CSMD1: variants seen among roughly 807,000 people sequenced by gnomAD.
CSMD1 encodes the protein CUB and sushi domain-containing protein 1.
CSMD1 carries 213 observed loss-of-function variants against 417.5 expected under a neutral mutation model. The ratio of observed to expected loss-of-function variants is 0.51; its 90% CI spans 0.46 to 0.57. The LOEUF (loss-of-function observed/expected upper bound fraction) is 0.57. Ranked by LOEUF, CSMD1 falls within the 20% of genes least tolerant of loss-of-function variation. The pLI is 0.00. For missense variants in CSMD1, 6,923 were observed against 4,529.7 expected (o/e 1.53, Z -15.17); for synonymous variants, 2,862 against 1,736.8 (o/e 1.65, Z -16.11).
intron 5 of CSMD1, among the ~76,000 whole-genome samples, chr8:3,896,220 G>C (rs1167369500): frequency 6.6e-6 from 1 of 152,118 alleles, no homozygotes; most frequent in Non-Finnish European, 1.5e-5. Flanking sequence ...CAATTCTATA[G>C]CCTGGTTGCT....
At position 4,047,638 on chromosome 8, in the gene CSMD1, C is replaced by G. The variant is rs182056069; in HGVS notation, c.416-15539G>C. On this transcript the variant is annotated intron_variant, in intron 3 of 69. Transcript: ENST00000635120. ...TCCAGGCACTAGGAATGCAATATCG[C>G]CCTCAGTGAGTATATTTGGGGCATG... 2.9e-3 allele frequency among the ~76,000 whole-genome samples: 434 copies of G among 151,872 alleles called. 2 individuals are homozygous for G. Among genetic ancestry groups the G allele is most frequent in the African/African-American group, 0.01 (417 of 41,384 alleles).
At chr8:3,988,456 A>C (rs1284373597) in intron 5 of CSMD1, among the ~76,000 whole-genome samples, 1 of 152,200 alleles carries the variant, frequency 6.6e-6, no homozygotes, top group Non-Finnish European at 1.5e-5. Context: ...CAAACACCCT[A>C]ACCTCTCACA....
intron 1 of CSMD1, among the ~76,000 whole-genome samples, chr8:4,934,756 C>G (rs1807494000): frequency 6.6e-6 from 1 of 152,106 alleles, no homozygotes; most frequent in South Asian, 2.1e-4. Flanking sequence ...TATCTATCTA[C>G]CTACCTATAC....
chr8:3,945,745 C>A (rs1300390612), intron 5 of CSMD1, among the ~76,000 whole-genome samples: 1 of 151,936 alleles, frequency 6.6e-6, no homozygotes, highest in African/African-American at 2.4e-5. Flanking sequence ...GGATAGAAAA[C>A]CAAGAAATGG....
intron 7 of CSMD1, among the ~76,000 whole-genome samples, chr8:3,680,196 T>C (rs1476466338): frequency 6.6e-6 from 1 of 151,560 alleles, no homozygotes; most frequent in Non-Finnish European, 1.5e-5. Context: ...AGAGCAGAAA[T>C]GAAGGAGATG....
rs935839307 is a variant in CSMD1 at position 3,557,354 on chromosome 8, T to C, written c.1344+17591A>G. ...GCTGCCTCTCTAGTGGGGTAAAACA[T>C]TCCAAACTTGGCCATTATTACTATC... On this transcript the variant is annotated intron_variant, in intron 10 of 69. Coordinates refer to ENST00000635120, the MANE Select transcript of CSMD1 (RefSeq NM_033225.6). Among the ~76,000 whole-genome samples, 10 of 152,294 alleles carry C rather than the reference T, an allele frequency of 6.6e-5. No individual in the cohort carries two copies. The East Asian group carries it at 9.7e-4, about 15-fold the overall frequency.
chr8:3,387,649 G>A lies in CSMD1; in HGVS notation c.2627C>T (p.Pro876Leu), dbSNP rs576029038. 2.5e-6 allele frequency: 4 copies of A among 1,600,042 alleles called. No homozygotes were observed. The highest frequency in any genetic ancestry group is 2.7e-5 in the African/African-American group (2 of 74,646). Reference sequence around the variant, plus strand: ...GCGATGGCCGTTCACAGGGATGCCCGGGTCCAGGCAGGAATCCGACTCAAG... The same window carrying A: ...GCGATGGCCGTTCACAGGGATGCCCAGGTCCAGGCAGGAATCCGACTCAAG... The part of the protein sequence containing the change: ...VTLESDSCLD[P>L]GIPVNGHRHG... The change falls in exon 18 of 70, where the codon CCG (proline) becomes CTG (leucine). Residue 876 changes from proline to leucine, a missense_variant. Coordinates refer to ENST00000635120, the MANE Select transcript of CSMD1 (RefSeq NM_033225.6).
intron 10 of CSMD1, among the ~76,000 whole-genome samples, chr8:3,502,388 T>A (rs1796642142): frequency 7.7e-6 from 1 of 129,836 alleles, no homozygotes; most frequent in Non-Finnish European, 1.7e-5. Flanking sequence ...AAAAGAAGTA[T>A]TTCCACACAA....
chr8:4,190,478 G>A (rs921145412), intron 3 of CSMD1, among the ~76,000 whole-genome samples: 5 of 151,146 alleles, frequency 3.3e-5, no homozygotes, highest in African/African-American at 9.7e-5. Flanking sequence ...AGAGTATTTC[G>A]TAAGTTAACC....
intron 3 of CSMD1, among the ~76,000 whole-genome samples, chr8:4,213,163 C>T (rs184403491): frequency 1.3e-5 from 2 of 152,152 alleles, no homozygotes; most frequent in East Asian, 1.9e-4. Flanking sequence ...GGATATAAAC[C>T]AAATGGGGAG....
chr8:3,323,180 T>G (rs1166686827), intron 23 of CSMD1, among the ~76,000 whole-genome samples: 1 of 152,214 alleles, frequency 6.6e-6, no homozygotes, highest in African/African-American at 2.4e-5. Flanking sequence ...ACTTCTAACT[T>G]CGTGGGCATC....
chr8:4,650,826 G>T (rs1402917156), intron 1 of CSMD1, among the ~76,000 whole-genome samples: 4 of 152,130 alleles, frequency 2.6e-5, no homozygotes, highest in South Asian at 4.1e-4. Flanking sequence ...TGCTTCCAAG[G>T]TTGTAGAGTA....
At chr8:3,835,207 C>G (rs1011164370) in intron 5 of CSMD1, among the ~76,000 whole-genome samples, 2 of 150,518 alleles carry the variant, frequency 1.3e-5, no homozygotes, top group Admixed American at 6.6e-5. Flanking sequence ...ACCCAGCCAT[C>G]CCATTACTGG....
intron 2 of CSMD1, among the ~76,000 whole-genome samples, chr8:4,494,317 A>G (rs1413369253): frequency 6.6e-6 from 1 of 152,170 alleles, no homozygotes; most frequent in Non-Finnish European, 1.5e-5. Flanking sequence ...GTTAGTAGTT[A>G]TTTTCATGGC....
At chr8:4,912,395 C>T (rs1474093165) in intron 1 of CSMD1, among the ~76,000 whole-genome samples, 5 of 150,136 alleles carry the variant, frequency 3.3e-5, no homozygotes, top group African/African-American at 1.2e-4. Flanking sequence ...GGAAAACTTG[C>T]TGTGGGGTTG....
chr8:3,353,501 A>G (rs890229138), intron 21 of CSMD1, among the ~76,000 whole-genome samples: 1 of 152,196 alleles, frequency 6.6e-6, no homozygotes, highest in Non-Finnish European at 1.5e-5. Context: ...ATGATATTCA[A>G]ATGAAAGAAT....
chr8:3,747,136 C>T (rs1286045607), intron 6 of CSMD1, among the ~76,000 whole-genome samples: 1 of 152,204 alleles, frequency 6.6e-6, no homozygotes, highest in African/African-American at 2.4e-5. Context: ...TGACATGAAG[C>T]CAAGAGCACA....
At chr8:4,434,894 T>C (rs1278774469) in intron 2 of CSMD1, among the ~76,000 whole-genome samples, 1 of 152,204 alleles carries the variant, frequency 6.6e-6, no homozygotes, top group African/African-American at 2.4e-5. Context: ...GAAAATGCTG[T>C]ATTTTGTCAG....
At chr8:4,807,735 C>T (rs1230027362) in intron 1 of CSMD1, among the ~76,000 whole-genome samples, 1 of 152,152 alleles carries the variant, frequency 6.6e-6, no homozygotes, top group Non-Finnish European at 1.5e-5. Context: ...TACCTGTAGT[C>T]TTCTGTTAAG....
Sources: allele counts gnomAD v4.1 joint callset (sites outside exome capture counted in the v4.1 genomes callset), GRCh38; gene constraint gnomAD v4.1.1; transcripts MANE v1.5; gene names NCBI Gene and HGNC (gene_info 2026-07-23, HGNC 2026-07-21).